The following PRKN variants were observed in gnomAD, a reference collection of about 807,000 sequenced individuals.
The protein encoded by PRKN is parkin RBR E3 ubiquitin protein ligase.
In PRKN, 56 loss-of-function variants were observed where a neutral mutation model predicts 59.5. That is an observed-to-expected ratio of 0.94 (90% CI 0.76 to 1.18). PRKN has a LOEUF of 1.18. Among genes scored for constraint, PRKN ranks in the 50% most tolerant of loss-of-function variants. The pLI, the probability that PRKN is intolerant of heterozygous loss-of-function variation, is 0.00. For missense variants in PRKN, 657 were observed against 596.4 expected, an observed-to-expected ratio of 1.10 and a Z score of -1.06; for synonymous variants, 250 against 222.1, an observed-to-expected ratio of 1.13 and a Z score of -1.12.
Position 161,446,845 on chromosome 6 carries a change from C to T in PRKN, c.1084-59968G>A, listed in dbSNP as rs1789513375. Among the ~76,000 whole-genome samples the T allele has an allele frequency of 6.6e-6, 1 of 152,138 alleles. No homozygotes were observed. The highest frequency in any genetic ancestry group is 2.4e-5 in the African/African-American group (1 of 41,432). On this transcript the variant is annotated intron_variant, in intron 9 of 11. Coordinates refer to ENST00000366898, the MANE Select transcript of PRKN (RefSeq NM_004562.3). This position sits in a 1 kb window ranked among gnomAD's most constrained non-coding sequence, Gnocchi z 6.2. ...TAAATTGCCATTTAATTCCATCCATCAACCCATTTTTCTGCTGTATACATA... is the reference window on the plus strand; with the variant it reads ...TAAATTGCCATTTAATTCCATCCATTAACCCATTTTTCTGCTGTATACATA...
intron 1 of PRKN, among the ~76,000 whole-genome samples, chr6:162,545,308 T>A (rs970523736): frequency 1.3e-5 from 2 of 151,970 alleles, no homozygotes; most frequent in Non-Finnish European, 2.9e-5. Flanking sequence ...AATAAAAAAA[T>A]TTAAAAAATA....
At chr6:162,309,925 A>G (rs141604403) in intron 2 of PRKN, among the ~76,000 whole-genome samples, 8 of 152,096 alleles carry the variant, frequency 5.3e-5, no homozygotes, top group African/African-American at 1.7e-4. Context: ...ATGTGTTCTC[A>G]TGACTTAGCT....
intron 1 of PRKN, among the ~76,000 whole-genome samples, chr6:162,549,093 A>G (rs1322542996): frequency 6.6e-6 from 1 of 152,048 alleles, no homozygotes; most frequent in Non-Finnish European, 1.5e-5. Context: ...GAGGGTTATT[A>G]GGGCACAAGG....
At chr6:162,724,213 C>A (rs1051203273) in intron 1 of PRKN, among the ~76,000 whole-genome samples, 3 of 152,124 alleles carry the variant, frequency 2.0e-5, no homozygotes, top group African/African-American at 7.2e-5. Flanking sequence ...AAATTGAATT[C>A]TTTTAAGCTT....
At position 161,349,470 on chromosome 6, in the gene PRKN, C is replaced by A. The variant is rs565359877; in HGVS notation, c.*629G>T. 3 of 231,620 alleles carry A rather than the reference C, an allele frequency of 1.3e-5. No homozygotes were observed. Among genetic ancestry groups the A allele is most frequent in the Non-Finnish European group, 2.6e-5 (3 of 117,230 alleles). 14.3% of individuals were successfully genotyped at this position (231,620 alleles called of 1,614,324 possible). ...ACGCATAGTTGGTATTTCATTAATG[C>A]GATTTATATAGATGGAATTCTTAAG... On this transcript the variant is annotated 3_prime_UTR_variant, in exon 12 of 12. Coordinates refer to ENST00000366898, the MANE Select transcript of PRKN (RefSeq NM_004562.3). The surrounding 1 kb of genome is among the most constrained non-coding windows in gnomAD (Gnocchi z 5.5).
At chr6:162,476,702 G>T (rs531762116) in intron 1 of PRKN, among the ~76,000 whole-genome samples, 1 of 151,202 alleles carries the variant, frequency 6.6e-6, no homozygotes, top group Non-Finnish European at 1.5e-5. Context: ...ATCAGCAAAC[G>T]TGATACCCCA....
chr6:162,201,068 AG>A (rs1784708625), intron 4 of PRKN, 62 bp downstream of exon 4: 30 of 1,552,478 alleles, frequency 1.9e-5, no homozygotes, highest in Non-Finnish European at 2.7e-5. Flanking sequence ...AAAAACTGAA[AG>A]GCAATGTGTT....
intron 1 of PRKN, among the ~76,000 whole-genome samples, chr6:162,664,893 C>A (rs1779036513): frequency 6.6e-6 from 1 of 152,008 alleles, no homozygotes; most frequent in African/African-American, 2.4e-5. Flanking sequence ...TTAATTAGAT[C>A]CCATTTGTCA....
chr6:161,543,341 G>T (rs886945658), intron 9 of PRKN, among the ~76,000 whole-genome samples: 1 of 152,150 alleles, frequency 6.6e-6, no homozygotes, highest in Non-Finnish European at 1.5e-5. Flanking sequence ...ATTTGCACAG[G>T]TCTAAAACCA....
chr6:161,474,901 C>G (rs185713969), intron 9 of PRKN, among the ~76,000 whole-genome samples: 1 of 150,282 alleles, frequency 6.7e-6, no homozygotes, highest in Non-Finnish European at 1.5e-5. Flanking sequence ...CACGCCCGGC[C>G]CACTATTACT....
At chr6:162,481,768 A>T (rs1792321713) in intron 1 of PRKN, among the ~76,000 whole-genome samples, 1 of 152,182 alleles carries the variant, frequency 6.6e-6, no homozygotes, top group Non-Finnish European at 1.5e-5. Flanking sequence ...AAGTCAAAGA[A>T]CTATAAATTA....
chr6:161,541,434 C>T (rs1779610576), intron 9 of PRKN, among the ~76,000 whole-genome samples: 1 of 152,184 alleles, frequency 6.6e-6, no homozygotes. Context: ...CTCTCTGCAG[C>T]TTATAAAGCT....
At chr6:161,679,174 A>C (rs1051621822) in intron 7 of PRKN, among the ~76,000 whole-genome samples, 1 of 152,228 alleles carries the variant, frequency 6.6e-6, no homozygotes, top group African/African-American at 2.4e-5. Context: ...TTTCAGGAGC[A>C]TCGCCAAGTG....
intron 1 of PRKN, among the ~76,000 whole-genome samples, chr6:162,516,653 C>T (rs1777873889): frequency 6.6e-6 from 1 of 151,586 alleles, no homozygotes; most frequent in Admixed American, 6.6e-5. Flanking sequence ...CAGGAGGCTA[C>T]TCAGGAGGTT....
intron 1 of PRKN, among the ~76,000 whole-genome samples, chr6:162,516,776 AAG>A (rs1267367678): frequency 6.6e-6 from 1 of 151,752 alleles, no homozygotes; most frequent in African/African-American, 2.4e-5. Flanking sequence ...AAAAAAAAAA[AAG>A]AAAGAAAAGA....
chr6:162,326,633 T>C (rs760302162), intron 2 of PRKN, among the ~76,000 whole-genome samples: 135 of 152,214 alleles, frequency 8.9e-4, no homozygotes, highest in Non-Finnish European at 1.1e-3. Flanking sequence ...GCAGAAGAGA[T>C]TCATAAATCA....
rs538736000 is a variant in PRKN at position 162,678,539 on chromosome 6, A to G, written c.7+49123T>C. Among the ~76,000 whole-genome samples the G allele has an allele frequency of 5.3e-5, 8 of 152,264 alleles. No individual in the cohort carries two copies. The South Asian group carries it at 1.0e-3, about 20-fold the overall frequency. On this transcript the variant is annotated intron_variant, in intron 1 of 11. Transcript: ENST00000366898. ...TGTGGCTTCAACTTACATTTCCCCAATGACTAATAATGTTGGGGGTATCTT... is the reference window on the plus strand; with the variant it reads ...TGTGGCTTCAACTTACATTTCCCCAGTGACTAATAATGTTGGGGGTATCTT...
At chr6:162,572,738 A>G (rs1402494337) in intron 1 of PRKN, among the ~76,000 whole-genome samples, 1 of 152,200 alleles carries the variant, frequency 6.6e-6, no homozygotes, top group East Asian at 1.9e-4. Context: ...CAATCAGGAA[A>G]TCATGAATGA....
intron 4 of PRKN, among the ~76,000 whole-genome samples, chr6:162,198,143 A>C (rs1380841544): frequency 1.3e-5 from 2 of 152,202 alleles, no homozygotes; most frequent in Non-Finnish European, 2.9e-5. Context: ...GCAGAGCAGA[A>C]AACAGTGCTT....
Sources: gnomAD v4.1 joint callset for allele counts (sites outside exome capture counted in the v4.1 genomes callset) on GRCh38, gnomAD v4.1.1 for gene constraint, Gnocchi (gnomAD v3.1) non-coding constraint, MANE v1.5 for transcripts, NCBI Gene and HGNC (gene_info 2026-07-23, HGNC 2026-07-21) for gene names.